The following PPL variants were observed in gnomAD, a reference collection of about 807,000 sequenced individuals.
PPL encodes the protein periplakin, also known as 190 kDa paraneoplastic pemphigus antigen.
A neutral mutation model predicts 194.4 loss-of-function variants in PPL; 198 were observed. That is an observed-to-expected ratio of 1.02 (90% CI 0.91 to 1.15). The LOEUF (loss-of-function observed/expected upper bound fraction) is 1.15, where lower values mean the gene tolerates loss of function less well. Among genes scored for constraint, PPL ranks in the 50% most tolerant of loss-of-function variants. The probability of loss-of-function intolerance (pLI) is 0.00; values close to 1 mark genes in which losing one functional copy is unlikely to be tolerated. For missense variants in PPL, 2,885 were observed against 2,294.8 expected (o/e 1.26, Z -5.25); for synonymous variants, 1,220 against 972.4 (o/e 1.25, Z -4.74).
At chr16:4,914,565 C>G (rs1442739054) in intron 1 of PPL, among the ~76,000 whole-genome samples, 2 of 152,188 alleles carry the variant, frequency 1.3e-5, no homozygotes, top group African/African-American at 4.8e-5. Context: ...AGGACCCAAG[C>G]CATACCTTCT....
intron 4 of PPL, among the ~76,000 whole-genome samples, chr16:4,901,337 G>T (rs1276901400): frequency 6.6e-6 from 1 of 152,272 alleles, no homozygotes; most frequent in East Asian, 1.9e-4. Flanking sequence ...CTCAGATGAG[G>T]ACACAGAGGC....
rs781194250 is a variant in PPL at position 4,885,690 on chromosome 16, C to A, written c.2965G>T (p.Gly989Trp). Residue 989 changes from glycine (G) to tryptophan (W), a missense_variant, in exon 22 of 22, where the codon GGG (glycine) becomes TGG (tryptophan). Gly to Trp is a radical substitution (Grantham distance 184, BLOSUM62 -2). Coordinates refer to ENST00000345988, the MANE Select transcript of PPL (RefSeq NM_002705.5). This position sits in a 1 kb window ranked among gnomAD's most constrained non-coding sequence, Gnocchi z 6.3. ...RALEQETRDGGQEYVVKEVLR... is the reference protein window; with the variant it reads ...RALEQETRDGWQEYVVKEVLR... Reference sequence around the variant, plus strand: ...ACCTCCTTGACCACGTACTCCTGCCCCCCGTCTCTGGTCTCCTGCTCCAGG... The same window carrying A: ...ACCTCCTTGACCACGTACTCCTGCCACCCGTCTCTGGTCTCCTGCTCCAGG... 3.7e-6 allele frequency: 6 copies of A among 1,613,460 alleles called. No individual in the cohort carries two copies. The South Asian group carries it at 5.5e-5, about 15-fold the overall frequency.
Position 4,900,972 on chromosome 16 carries a change from C to T in PPL, c.556G>A (p.Gly186Arg), listed in dbSNP as rs776337177. 1.1e-5 allele frequency: 17 copies of T among 1,614,018 alleles called. No individual in the cohort carries two copies. The highest frequency in any genetic ancestry group is 3.3e-4 in the Middle Eastern group (2 of 6,084). ...KAIGPHLAKDGDKEQNSELRA... is the reference protein window; with the variant it reads ...KAIGPHLAKDRDKEQNSELRA... ...ACCAGCACACGCCCCACCTTGTCCC[C>T]GTCCTTGGCCAGGTGGGGCCCGATG... is the stretch of plus-strand genomic sequence containing the variant. The change falls in exon 5 of 22, where the codon GGG becomes AGG. Residue 186 changes from glycine (G) to arginine (R), a missense_variant. Coordinates refer to ENST00000345988, the MANE Select transcript of PPL (RefSeq NM_002705.5).
At chr16:4,915,064 G>C (rs2088892858) in intron 1 of PPL, among the ~76,000 whole-genome samples, 1 of 152,200 alleles carries the variant, frequency 6.6e-6, no homozygotes, top group Non-Finnish European at 1.5e-5. Flanking sequence ...TGTCTCTCTT[G>C]GGCCCAGTCC....
At chr16:4,886,604 C>T (rs938101800) in intron 21 of PPL, among the ~76,000 whole-genome samples, 10 of 152,138 alleles carry the variant, frequency 6.6e-5, no homozygotes, top group Non-Finnish European at 1.3e-4. Context: ...CAGAAAATAA[C>T]ATTCACTTTC....
intron 1 of PPL, among the ~76,000 whole-genome samples, chr16:4,932,397 G>C (rs2089236100): frequency 6.6e-6 from 1 of 151,818 alleles, no homozygotes; most frequent in African/African-American, 2.4e-5. Context: ...TCTGGGCTTG[G>C]CTCAGTCATG....
At chr16:4,934,414 G>A (rs1222071234) in intron 1 of PPL, among the ~76,000 whole-genome samples, 1 of 152,206 alleles carries the variant, frequency 6.6e-6, no homozygotes, top group Non-Finnish European at 1.5e-5. Flanking sequence ...GGAAAGGGCT[G>A]CTACCCTCAT....
chr16:4,900,647 A>C (rs532805726), intron 6 of PPL, among the ~76,000 whole-genome samples, 183 bp downstream of exon 6: 128 of 151,972 alleles, frequency 8.4e-4, no homozygotes, highest in African/African-American at 2.9e-3. Flanking sequence ...TATGTTGCCC[A>C]GGTTGGTCTC....
At chr16:4,924,636 C>G (rs994201593) in intron 1 of PPL, among the ~76,000 whole-genome samples, 3 of 152,094 alleles carry the variant, frequency 2.0e-5, no homozygotes, top group Non-Finnish European at 4.4e-5. Flanking sequence ...TCCCTGGCTG[C>G]CTGACTCCAA....
rs139216644 is a variant in PPL, at chr16:4,930,336, G to A, written c.62+6648C>T. Among the ~76,000 whole-genome samples, 489 of 152,282 alleles carry A rather than the reference G, an allele frequency of 3.2e-3. 1 individual carries two copies. Among genetic ancestry groups the A allele is most frequent in the South Asian group, 7.5e-3 (36 of 4,818 alleles). ...CAACTCTCTGCTCACCGTCCTGCAC[G>A]CAGGAGGTGACTGGATGGGGACAGG... On this transcript the variant is annotated intron_variant, in intron 1 of 21. Coordinates refer to ENST00000345988, the MANE Select transcript of PPL (RefSeq NM_002705.5).
chr16:4,922,684 C>T (rs1450943502), intron 1 of PPL, among the ~76,000 whole-genome samples: 1 of 151,724 alleles, frequency 6.6e-6, no homozygotes, highest in Admixed American at 6.6e-5. Context: ...AACAAAAAAA[C>T]CCTAGAAACA....
chr16:4,894,831 C>T (rs985384718), intron 11 of PPL, among the ~76,000 whole-genome samples: 1 of 152,228 alleles, frequency 6.6e-6, no homozygotes, highest in East Asian at 1.9e-4. Context: ...GGAACCTTCC[C>T]TCCCAATTCC....
intron 2 of PPL, among the ~76,000 whole-genome samples, chr16:4,909,615 T>C (rs1186868418): frequency 6.6e-6 from 1 of 151,812 alleles, no homozygotes; most frequent in Admixed American, 6.6e-5. Flanking sequence ...TTAGTAGAGA[T>C]GAGGTTTCAC....
At chr16:4,900,187 A>AT (rs1783868165) in intron 6 of PPL, among the ~76,000 whole-genome samples, 1 of 152,192 alleles carries the variant, frequency 6.6e-6, no homozygotes, top group Admixed American at 6.6e-5. Flanking sequence ...CACTTATGCA[A>AT]TTTTTAAAAG....
chr16:4,901,079 T>C lies in PPL; in HGVS notation c.449A>G (p.Asn150Ser), dbSNP rs1329770690. The C allele has an allele frequency of 6.8e-6, 11 of 1,614,002 alleles. No homozygotes were observed. Among genetic ancestry groups the C allele is most frequent in the African/African-American group, 1.3e-5 (1 of 74,926 alleles). ...CAGGTCAGTCCCAAAGCTCTGGTTGTTCAGCTTGTCCTGGCCAGGAGGGCA... is the reference window on the plus strand; with the variant it reads ...CAGGTCAGTCCCAAAGCTCTGGTTGCTCAGCTTGTCCTGGCCAGGAGGGCA... ...ALVEEKLDKL[N>S]NQSFGTDLPL... The change falls in exon 5 of 22, where the codon AAC (asparagine) becomes AGC (serine). Residue 150 changes from asparagine (N) to serine (S), a missense_variant. Coordinates refer to ENST00000345988, the MANE Select transcript of PPL (RefSeq NM_002705.5).
intron 1 of PPL, among the ~76,000 whole-genome samples, chr16:4,926,877 T>TGAAA (rs2089163277): frequency 7.0e-5 from 1 of 14,324 alleles, no homozygotes; most frequent in Non-Finnish European, 2.3e-4. Context: ...AGACTCTGTC[T>TGAAA]CAAAAAAAAA....
chr16:4,903,418 G>A (rs888419750), intron 3 of PPL, among the ~76,000 whole-genome samples: 12 of 152,148 alleles, frequency 7.9e-5, no homozygotes, highest in African/African-American at 2.7e-4. Context: ...AGGATCATGT[G>A]AGGCTGGGCG....
At chr16:4,903,796 G>T in intron 3 of PPL, 90 bp downstream of exon 3, 1 of 1,498,728 alleles carries the variant, frequency 6.7e-7, no homozygotes, top group South Asian at 1.2e-5. Flanking sequence ...GATAACCCCT[G>T]ACTCGGGCTC....
chr16:4,897,792 G>T (rs372849639), intron 8 of PPL, 22 bp from the exon 9 acceptor site: 188 of 1,594,054 alleles, frequency 1.2e-4, no homozygotes, highest in Non-Finnish European at 1.5e-4. Context: ...AGAAGGGGCC[G>T]GTCACCACTG....
Sources: allele counts gnomAD v4.1 joint callset (sites outside exome capture counted in the v4.1 genomes callset), GRCh38; gene constraint gnomAD v4.1.1; non-coding constraint Gnocchi (gnomAD v3.1); transcripts MANE v1.5; gene names NCBI Gene and HGNC (gene_info 2026-07-23, HGNC 2026-07-21).